Variants in SHISA9 observed in about 807,000 individuals in gnomAD.
The protein encoded by SHISA9 is protein shisa-9.
SHISA9 carries 13 observed loss-of-function variants against 38.0 expected under a neutral mutation model. That is an observed-to-expected ratio of 0.34 (90% CI 0.22 to 0.54). The LOEUF (loss-of-function observed/expected upper bound fraction) is 0.54, where lower values mean the gene tolerates loss of function less well. Ranked by LOEUF, SHISA9 falls within the 20% of genes least tolerant of loss-of-function variation. SHISA9 has a pLI of 0.91. For missense variants in SHISA9, 538 were observed against 575.8 expected, an observed-to-expected ratio of 0.93 and a Z score of 0.67; for synonymous variants, 275 against 242.0, an observed-to-expected ratio of 1.14 and a Z score of -1.27.
At chr16:13,015,899 TTTCTTTCTTTTC>T (rs1280031593) in intron 2 of SHISA9, among the ~76,000 whole-genome samples, 1 of 114,642 alleles carries the variant, frequency 8.7e-6, no homozygotes, top group Non-Finnish European at 1.9e-5. Context: ...TCTTTCTTTC[TTTCTTTCTTTTC>T]TTTCTTTCTC....
chr16:13,344,266 A>T, the SHISA9 span, among the ~76,000 whole-genome samples: 3 of 152,202 alleles, frequency 2.0e-5, no homozygotes, highest in East Asian at 5.8e-4. Flanking sequence ...GGGATTGGAG[A>T]ACCAGCCAGT....
chr16:13,473,685 C>T, the SHISA9 span, among the ~76,000 whole-genome samples: 791 of 152,214 alleles, frequency 5.2e-3, 3 homozygotes, highest in African/African-American at 0.018. Context: ...GTTATCCCTC[C>T]CACTTGTTTG....
chr16:12,902,247 G>T lies in SHISA9; in HGVS notation c.183G>T (p.Ser61=). ...SGEASEGAEA[S]DAPPTRAPTP... ...AGGCCAGCGAGGGCGCTGAGGCATCGGACGCGCCCCCGACCCGGGCGCCCA... is the reference window on the plus strand; with the variant it reads ...AGGCCAGCGAGGGCGCTGAGGCATCTGACGCGCCCCCGACCCGGGCGCCCA... Residue 61 remains serine, a synonymous_variant, in exon 1 of 5, where the codon TCG becomes TCT. Transcript: ENST00000558583. 1 of 1,544,476 alleles carries T rather than the reference G, an allele frequency of 6.5e-7. No homozygotes were observed. The highest frequency in any genetic ancestry group is 8.7e-7 in the Non-Finnish European group (1 of 1,146,532).
the SHISA9 span, among the ~76,000 whole-genome samples, chr16:13,487,512 G>C: frequency 6.6e-6 from 1 of 152,202 alleles, no homozygotes; most frequent in Non-Finnish European, 1.5e-5. Context: ...AACTCAGACA[G>C]AGAACTCATT....
chr16:13,079,643 T>G (rs972360238), intron 2 of SHISA9, among the ~76,000 whole-genome samples: 1 of 152,210 alleles, frequency 6.6e-6, no homozygotes, highest in Non-Finnish European at 1.5e-5. Flanking sequence ...CTCCTGACAA[T>G]GCTCTCTGTT....
the SHISA9 span, among the ~76,000 whole-genome samples, chr16:13,256,078 C>G: frequency 3.3e-5 from 5 of 152,134 alleles, no homozygotes; most frequent in African/African-American, 1.2e-4. Context: ...GAAGTTCCCC[C>G]ATACATTCAC....
chr16:12,992,262 G>T (rs2072396304), intron 2 of SHISA9, among the ~76,000 whole-genome samples: 1 of 151,528 alleles, frequency 6.6e-6, no homozygotes, highest in Non-Finnish European at 1.5e-5. Flanking sequence ...GATGCCTCAT[G>T]CCTGTAATCC....
the SHISA9 span, among the ~76,000 whole-genome samples, chr16:13,478,838 G>C: frequency 6.6e-6 from 1 of 152,144 alleles, no homozygotes; most frequent in Admixed American, 6.5e-5. Context: ...TGGGAGTGGT[G>C]CTTGGGGACC....
At chr16:13,216,873 A>G (rs570179278) in intron 4 of SHISA9, among the ~76,000 whole-genome samples, 6 of 152,172 alleles carry the variant, frequency 3.9e-5, no homozygotes, top group Non-Finnish European at 7.4e-5. Context: ...AGGGCTTCCC[A>G]TGCAAGTTGC....
intron 2 of SHISA9, among the ~76,000 whole-genome samples, chr16:12,957,509 C>G (rs1567352293): frequency 6.6e-6 from 1 of 152,108 alleles, no homozygotes; most frequent in Non-Finnish European, 1.5e-5. Context: ...GGGAAGTAAC[C>G]TTTACCAGAA....
chr16:13,337,438 CTG>C, the SHISA9 span, among the ~76,000 whole-genome samples: 4 of 152,218 alleles, frequency 2.6e-5, no homozygotes, highest in South Asian at 2.1e-4. Context: ...CCACGTGGAA[CTG>C]TGAGTCCATT....
At chr16:13,302,769 G>C in the SHISA9 span, among the ~76,000 whole-genome samples, 1 of 152,134 alleles carries the variant, frequency 6.6e-6, no homozygotes, top group Admixed American at 6.5e-5. Context: ...CTCCTGAATT[G>C]TAATCCCCAT....
chr16:13,426,016 C>A, the SHISA9 span, among the ~76,000 whole-genome samples: 1 of 152,182 alleles, frequency 6.6e-6, no homozygotes, highest in Non-Finnish European at 1.5e-5. Flanking sequence ...AGGAAACAGA[C>A]AACACAGAAC....
At chr16:13,200,095 A>G (rs143218864) in intron 2 of SHISA9, among the ~76,000 whole-genome samples, 1,899 of 152,248 alleles carry the variant, frequency 0.012, 37 homozygotes, top group African/African-American at 0.043. Flanking sequence ...CATGCATTCA[A>G]TACGATTTAC....
At chr16:13,562,153 A>G in the SHISA9 span, among the ~76,000 whole-genome samples, 1 of 152,214 alleles carries the variant, frequency 6.6e-6, no homozygotes, top group African/African-American at 2.4e-5. Flanking sequence ...GCACCTAATC[A>G]GGAATTGCAG....
the SHISA9 span, among the ~76,000 whole-genome samples, chr16:13,378,760 C>T: frequency 5.3e-5 from 8 of 152,100 alleles, no homozygotes; most frequent in African/African-American, 1.4e-4. Context: ...GCCCAATAAC[C>T]GATCAATATT....
chr16:13,293,128 A>T, the SHISA9 span, among the ~76,000 whole-genome samples: 1 of 152,188 alleles, frequency 6.6e-6, no homozygotes, highest in African/African-American at 2.4e-5. Context: ...ATTACCCAGG[A>T]TTAAAATGAG....
chr16:13,077,818 C>A (rs140809589), intron 2 of SHISA9, among the ~76,000 whole-genome samples: 1 of 152,234 alleles, frequency 6.6e-6, no homozygotes, highest in African/African-American at 2.4e-5. Context: ...TACAGCCAGC[C>A]TTAGTCAATT....
chr16:13,309,076 G>C, the SHISA9 span, among the ~76,000 whole-genome samples: 1 of 152,020 alleles, frequency 6.6e-6, no homozygotes, highest in Non-Finnish European at 1.5e-5. Context: ...CTTTAATATG[G>C]GAATTTTGTT....
Sources: gnomAD v4.1 joint callset for allele counts (sites outside exome capture counted in the v4.1 genomes callset) on GRCh38, gnomAD v4.1.1 for gene constraint, MANE v1.5 for transcripts, NCBI Gene and HGNC (gene_info 2026-07-23, HGNC 2026-07-21) for gene names.